The following NAPB variants were observed in gnomAD, a reference collection of about 807,000 sequenced individuals.
NAPB encodes NSF attachment protein beta, also known as beta-soluble NSF attachment protein.
NAPB carries 26 observed loss-of-function variants against 44.7 expected under a neutral mutation model. The ratio of observed to expected loss-of-function variants is 0.58; its 90% confidence interval spans 0.43 to 0.81. The LOEUF (loss-of-function observed/expected upper bound fraction) is 0.81, where lower values mean the gene tolerates loss of function less well. Among genes scored for constraint, NAPB ranks in the 30% least tolerant of loss-of-function variants. The pLI is 0.00. For synonymous variants in NAPB, 120 were observed against 116.8 expected (o/e 1.03, Z -0.18); for missense variants, 315 against 356.4 (o/e 0.88, Z 0.94).
At chr20:23,379,984 A>G (rs1413720556) in intron 8 of NAPB, 49 bp from the exon 9 acceptor site, 1 of 1,463,290 alleles carries the variant, frequency 6.8e-7, no homozygotes, top group African/African-American at 1.4e-5. Context: ...AAACAAACAA[A>G]GCTTTCAACA....
At chr20:23,398,854 ATTTTTTTTTTTT>A (rs34074566) in intron 2 of NAPB, among the ~76,000 whole-genome samples, 2 of 90,426 alleles carry the variant, frequency 2.2e-5, no homozygotes, top group Admixed American at 3.0e-4. Context: ...CAAAAAAAAA[ATTTTTTTTTTTT>A]TTTTTTTTTT....
At chr20:23,384,244 G>C (rs969019466) in intron 7 of NAPB, among the ~76,000 whole-genome samples, 3 of 152,160 alleles carry the variant, frequency 2.0e-5, no homozygotes, top group Non-Finnish European at 4.4e-5. Context: ...AGACACTGAG[G>C]AATAACTGTA....
At chr20:23,402,617 T>C (rs1984934232) in intron 2 of NAPB, among the ~76,000 whole-genome samples, 1 of 152,244 alleles carries the variant, frequency 6.6e-6, no homozygotes, top group Admixed American at 6.5e-5. Context: ...CCACTAGTTT[T>C]AATGACTTTT....
chr20:23,403,984 T>C (rs1226893685), intron 1 of NAPB, among the ~76,000 whole-genome samples: 1 of 152,098 alleles, frequency 6.6e-6, no homozygotes, highest in African/African-American at 2.4e-5. Flanking sequence ...GAGAAATGCA[T>C]TTTACAACAC....
chr20:23,396,993 C>T, intron 3 of NAPB, 79 bp downstream of exon 3: 1 of 1,448,008 alleles, frequency 6.9e-7, no homozygotes, highest in East Asian at 2.4e-5. Context: ...AGCACACCAA[C>T]ACTGACCTTA....
chr20:23,421,284 C>T, intron 1 of NAPB, 21 bp downstream of exon 1: 8 of 1,532,388 alleles, frequency 5.2e-6, no homozygotes, highest in Non-Finnish European at 7.1e-6. Flanking sequence ...CCCCCCAGGG[C>T]ACGCACGGTC....
chr20:23,393,364 T>C (rs1406168241), intron 5 of NAPB, among the ~76,000 whole-genome samples: 1 of 152,134 alleles, frequency 6.6e-6, no homozygotes, highest in Non-Finnish European at 1.5e-5. Flanking sequence ...AATTTTGTGC[T>C]GAATAACCAA....
chr20:23,416,354 GA>G (rs1405610513), intron 1 of NAPB, among the ~76,000 whole-genome samples: 2 of 152,222 alleles, frequency 1.3e-5, no homozygotes, highest in Admixed American at 6.5e-5. Context: ...CCTAAAATCA[GA>G]AAACCAAACA....
chr20:23,404,223 T>C (rs1985072892), intron 1 of NAPB, among the ~76,000 whole-genome samples: 1 of 152,160 alleles, frequency 6.6e-6, no homozygotes, highest in East Asian at 1.9e-4. Flanking sequence ...AATCATAAAA[T>C]AAACAGTGGA....
At chr20:23,398,374 C>A (rs758820386) in intron 2 of NAPB, among the ~76,000 whole-genome samples, 11 of 152,042 alleles carry the variant, frequency 7.2e-5, no homozygotes, top group African/African-American at 2.4e-4. Context: ...AAATCCAATT[C>A]TTTTCTTTTT....
intron 7 of NAPB, among the ~76,000 whole-genome samples, chr20:23,387,238 C>G (rs1488288105): frequency 6.6e-6 from 1 of 152,076 alleles, no homozygotes; most frequent in African/African-American, 2.4e-5. Flanking sequence ...CTGCCTCAAA[C>G]TGATAAAAGC....
intron 2 of NAPB, among the ~76,000 whole-genome samples, chr20:23,400,470 C>G (rs1466625017): frequency 6.6e-6 from 1 of 151,942 alleles, no homozygotes; most frequent in African/African-American, 2.4e-5. Flanking sequence ...GAGCTGAGAT[C>G]GCACCACTGC....
At position 23,376,029 on chromosome 20, in the gene NAPB, A is replaced by G. The variant is rs1008781822; in HGVS notation, c.*1347T>C. On this transcript the variant is annotated 3_prime_UTR_variant, in exon 11 of 11. Transcript: ENST00000377026. ...CACCAAAAATGAAAACATCATTCCA[A>G]TACTACTTACTACTACCTGACATAA... is the stretch of plus-strand genomic sequence containing the variant. 1 of 152,198 alleles carries G rather than the reference A, an allele frequency of 6.6e-6. No homozygotes were observed. Among genetic ancestry groups the G allele is most frequent in the Non-Finnish European group, 1.5e-5 (1 of 68,044 alleles). The allele number at this position is 152,198 out of a possible 1,614,324, so 9.4% of individuals were successfully genotyped here.
At chr20:23,385,899 T>C (rs1038612503) in intron 7 of NAPB, among the ~76,000 whole-genome samples, 4 of 152,160 alleles carry the variant, frequency 2.6e-5, no homozygotes, top group Non-Finnish European at 5.9e-5. Context: ...TCATAAAACA[T>C]ATGCCAAGAT....
intron 7 of NAPB, among the ~76,000 whole-genome samples, chr20:23,385,438 C>T (rs1411580712): frequency 6.6e-6 from 1 of 152,032 alleles, no homozygotes; most frequent in Admixed American, 6.6e-5. Context: ...ATTTTAACAC[C>T]CAACTCTCAA....
At chr20:23,419,648 A>C (rs1485866976) in intron 1 of NAPB, among the ~76,000 whole-genome samples, 2 of 152,240 alleles carry the variant, frequency 1.3e-5, no homozygotes, top group Non-Finnish European at 2.9e-5. Context: ...GTGAATCAAA[A>C]CATTTAAAAG....
intron 7 of NAPB, among the ~76,000 whole-genome samples, chr20:23,385,617 C>T (rs1983440357): frequency 6.6e-6 from 1 of 151,996 alleles, no homozygotes; most frequent in South Asian, 2.1e-4. Context: ...GAGGCTGAGG[C>T]ACGAAAATAG....
chr20:23,385,401 C>A (rs6083104), intron 7 of NAPB, among the ~76,000 whole-genome samples: 2 of 152,030 alleles, frequency 1.3e-5, no homozygotes, highest in South Asian at 4.1e-4. Context: ...AAAGAAGAGT[C>A]AGACAAATCC....
At chr20:23,381,172 T>C in intron 8 of NAPB, 41 bp downstream of exon 8, 2 of 1,349,858 alleles carry the variant, frequency 1.5e-6, no homozygotes, top group Non-Finnish European at 2.1e-6. Flanking sequence ...TACGTATTCT[T>C]ATGGGTGAAA....
Sources: gnomAD v4.1 joint callset for allele counts (sites outside exome capture counted in the v4.1 genomes callset) on GRCh38, gnomAD v4.1.1 for gene constraint, MANE v1.5 for transcripts, NCBI Gene and HGNC (gene_info 2026-07-23, HGNC 2026-07-21) for gene names.